The following SNTG2 variants were observed in gnomAD, a reference collection of about 807,000 sequenced individuals.
SNTG2 encodes gamma-2-syntrophin.
In SNTG2, 74 loss-of-function variants were observed where a neutral mutation model predicts 70.9. That is an observed-to-expected ratio of 1.04 (90% CI 0.86 to 1.27). The LOEUF is 1.27. Ranked by LOEUF, SNTG2 falls within the 50% of genes most tolerant of loss-of-function variation. The probability of loss-of-function intolerance (pLI) is 0.00; values close to 1 mark genes in which losing one functional copy is unlikely to be tolerated. For missense variants in SNTG2, 717 were observed against 690.7 expected (o/e 1.04, Z -0.43); for synonymous variants, 278 against 273.8 (o/e 1.02, Z -0.15).
intron 14 of SNTG2, among the ~76,000 whole-genome samples, chr2:1,289,939 C>T (rs1679922763): frequency 6.6e-6 from 1 of 152,200 alleles, no homozygotes; most frequent in Admixed American, 6.5e-5. Flanking sequence ...TTTTCAAGGT[C>T]ATCCCTGTTG....
At chr2:989,557 G>A (rs922290469) in intron 1 of SNTG2, among the ~76,000 whole-genome samples, 1 of 152,160 alleles carries the variant, frequency 6.6e-6, no homozygotes, top group Non-Finnish European at 1.5e-5. Context: ...ACTCTCAATA[G>A]GGATTATGTA....
At chr2:1,137,234 C>T (rs1668445873) in intron 4 of SNTG2, among the ~76,000 whole-genome samples, 1 of 151,490 alleles carries the variant, frequency 6.6e-6, no homozygotes, top group African/African-American at 2.4e-5. Context: ...TCAACAGATT[C>T]ACATGCTCAG....
At chr2:1,171,991 A>G (rs1413514249) in intron 7 of SNTG2, among the ~76,000 whole-genome samples, 1 of 152,172 alleles carries the variant, frequency 6.6e-6, no homozygotes, top group East Asian at 1.9e-4. Flanking sequence ...CTTTAATCCC[A>G]GGAAATAGAC....
intron 7 of SNTG2, among the ~76,000 whole-genome samples, chr2:1,167,497 G>A (rs1479744733): frequency 2.4e-5 from 3 of 125,334 alleles, no homozygotes; most frequent in Non-Finnish European, 3.3e-5. Context: ...CCTAGAAGCC[G>A]CCCACAGACG....
At chr2:1,308,367 CCCCGTAA>C in intron 14 of SNTG2, 120 bp from the exon 15 acceptor site, 1 of 792,730 alleles carries the variant, frequency 1.3e-6, no homozygotes, top group Non-Finnish European at 2.0e-6. Flanking sequence ...CTGTTTTGTT[CCCCGTAA>C]CTTGCATATG....
intron 14 of SNTG2, among the ~76,000 whole-genome samples, chr2:1,297,165 C>T (rs1209039260): frequency 6.6e-6 from 1 of 152,140 alleles, no homozygotes; most frequent in Non-Finnish European, 1.5e-5. Context: ...AGCTAATGCC[C>T]CCACTGCCAG....
At chr2:1,076,215 T>C (rs548394239) in intron 1 of SNTG2, among the ~76,000 whole-genome samples, 1 of 152,334 alleles carries the variant, frequency 6.6e-6, no homozygotes, top group South Asian at 2.1e-4. Flanking sequence ...AAGTTTAGAA[T>C]TCTTGATAAC....
At chr2:1,031,528 A>ATATATTTT in intron 1 of SNTG2, among the ~76,000 whole-genome samples, 6 of 59,120 alleles carry the variant, frequency 1.0e-4, no homozygotes, top group Non-Finnish European at 1.6e-4. Context: ...ATATATATAT[A>ATATATTTT]TTTTTTTTTT....
chr2:1,152,850 A>C (rs1669606382), intron 6 of SNTG2, among the ~76,000 whole-genome samples: 1 of 152,208 alleles, frequency 6.6e-6, no homozygotes, highest in Non-Finnish European at 1.5e-5. Flanking sequence ...AAGGCCAGGC[A>C]TGGTGGCTCA....
chr2:1,300,392 T>C lies in SNTG2; in HGVS notation c.1285-8102T>C, dbSNP rs570057756. On this transcript the variant is annotated intron_variant, in intron 14 of 16. Coordinates refer to ENST00000308624, the MANE Select transcript of SNTG2 (RefSeq NM_018968.4). ...AGTCTGCTTTAGGCCGAAGAAAGCA[T>C]TGGCCTCCCGGGGCTCACTGACCCC... Among the ~76,000 whole-genome samples the C allele has an allele frequency of 8.5e-5, 13 of 152,330 alleles. 2 individuals are homozygous for C. The highest frequency in any genetic ancestry group is 2.4e-4 in the African/African-American group (10 of 41,592).
chr2:1,057,065 T>A (rs1343084719), intron 1 of SNTG2, among the ~76,000 whole-genome samples: 1 of 151,506 alleles, frequency 6.6e-6, no homozygotes, highest in East Asian at 2.0e-4. Flanking sequence ...GACCTGTGAG[T>A]GCAGGGTTGG....
intron 12 of SNTG2, among the ~76,000 whole-genome samples, chr2:1,255,895 A>T (rs1219991597): frequency 1.7e-4 from 11 of 63,878 alleles, no homozygotes; most frequent in East Asian, 7.4e-4. Flanking sequence ...AATATATATA[A>T]ATATATATAT....
At chr2:1,147,321 G>T (rs1669165893) in intron 6 of SNTG2, among the ~76,000 whole-genome samples, 1 of 152,172 alleles carries the variant, frequency 6.6e-6, no homozygotes. Context: ...ATTAATATTT[G>T]AGTCAGTGGG....
chr2:1,337,535 C>G (rs538887498), intron 16 of SNTG2, among the ~76,000 whole-genome samples: 1 of 152,110 alleles, frequency 6.6e-6, no homozygotes, highest in Admixed American at 6.5e-5. Context: ...ATCAAGTTGT[C>G]TTTTGTTGTT....
intron 8 of SNTG2, among the ~76,000 whole-genome samples, chr2:1,186,180 G>C (rs1271521630): frequency 1.3e-5 from 2 of 152,130 alleles, no homozygotes; most frequent in Non-Finnish European, 2.9e-5. Flanking sequence ...TGTAACAAAA[G>C]TGATGACCTT....
chr2:1,287,381 G>A (rs150389538), intron 14 of SNTG2, among the ~76,000 whole-genome samples: 1 of 152,348 alleles, frequency 6.6e-6, no homozygotes, highest in East Asian at 1.9e-4. Context: ...TGGAGGCTGG[G>A]TGAGTCCGGC....
At chr2:1,334,990 C>T (rs1659727775) in intron 16 of SNTG2, among the ~76,000 whole-genome samples, 1 of 152,146 alleles carries the variant, frequency 6.6e-6, no homozygotes, top group Non-Finnish European at 1.5e-5. Context: ...ACTCAAAAGA[C>T]TACAGAAAAG....
intron 13 of SNTG2, among the ~76,000 whole-genome samples, chr2:1,265,190 T>A (rs1308407489): frequency 2.0e-5 from 3 of 152,258 alleles, no homozygotes; most frequent in Non-Finnish European, 4.4e-5. Flanking sequence ...AGGTCAATGA[T>A]GAACATGTTG....
In SNTG2 at chr2:1,186,116, G is replaced by A. The variant is rs192436545; in HGVS notation, c.591+12933G>A. Among the ~76,000 whole-genome samples, 77 of 152,100 alleles carry A rather than the reference G, an allele frequency of 5.1e-4. 1 individual carries two copies. In the Middle Eastern group the frequency reaches 0.01, roughly 20 times the overall value. On this transcript the variant is annotated intron_variant, in intron 8 of 16. Transcript: ENST00000308624. The stretch of plus-strand genomic sequence containing the variant: ...CCATATCATAACTCTCAAGTTCAAT[G>A]TTGCACAGATCCCTAGAGCAGGGGC...
Sources: allele counts gnomAD v4.1 joint callset (sites outside exome capture counted in the v4.1 genomes callset), GRCh38; gene constraint gnomAD v4.1.1; transcripts MANE v1.5; gene names NCBI Gene and HGNC (gene_info 2026-07-23, HGNC 2026-07-21).